Variants in CAMK1D observed in about 807,000 individuals in gnomAD.
CAMK1D encodes calcium/calmodulin dependent protein kinase ID.
A neutral mutation model predicts 47.7 loss-of-function variants in CAMK1D; 9 were observed. The observed-to-expected ratio is 0.19, with a 90% confidence interval of 0.11 to 0.33. CAMK1D has a LOEUF of 0.33. CAMK1D is among the 10% of genes least tolerant of loss of function. The pLI is 1.00. For missense variants in CAMK1D, 291 were observed against 488.7 expected, an observed-to-expected ratio of 0.60 and a Z score of 3.81; for synonymous variants, 184 against 184.9, an observed-to-expected ratio of 0.99 and a Z score of 0.04.
chr10:12,370,924 A>G (rs1837984166), intron 1 of CAMK1D, among the ~76,000 whole-genome samples: 1 of 152,144 alleles, frequency 6.6e-6, no homozygotes, highest in South Asian at 2.1e-4. Flanking sequence ...TTTAATTTTT[A>G]ACAAAATTAA....
intron 9 of CAMK1D, among the ~76,000 whole-genome samples, chr10:12,824,870 G>GA (rs1193546244): frequency 6.6e-6 from 1 of 152,108 alleles, no homozygotes; most frequent in Admixed American, 6.5e-5. Flanking sequence ...TATGGAGGGG[G>GA]AAAAAACAGG....
intron 3 of CAMK1D, among the ~76,000 whole-genome samples, chr10:12,697,149 G>C (rs1206506252): frequency 6.6e-6 from 1 of 152,176 alleles, no homozygotes; most frequent in East Asian, 1.9e-4. Flanking sequence ...AATTTAGAGG[G>C]AAATGTGGAG....
At chr10:12,750,693 G>GATGAATGA (rs908049587) in intron 3 of CAMK1D, among the ~76,000 whole-genome samples, 2 of 151,902 alleles carry the variant, frequency 1.3e-5, no homozygotes, top group African/African-American at 4.8e-5. Context: ...ATGAATGAAT[G>GATGAATGA]ATGAATGAAT....
chr10:12,613,984 C>T (rs983010559), intron 2 of CAMK1D, among the ~76,000 whole-genome samples: 4 of 152,146 alleles, frequency 2.6e-5, no homozygotes, highest in African/African-American at 9.7e-5. Context: ...TGGTCATCAC[C>T]CCCATCACAC....
At chr10:12,797,011 C>T (rs1240914980) in intron 6 of CAMK1D, among the ~76,000 whole-genome samples, 1 of 152,158 alleles carries the variant, frequency 6.6e-6, no homozygotes, top group Admixed American at 6.5e-5. Flanking sequence ...AGGAAATGCT[C>T]CGTGAGAAAC....
intron 3 of CAMK1D, among the ~76,000 whole-genome samples, chr10:12,680,879 T>C (rs1432800344): frequency 9.1e-6 from 1 of 109,418 alleles, no homozygotes; most frequent in Non-Finnish European, 2.1e-5. Context: ...AGTGAGACCA[T>C]GTCTCAAAAA....
intron 1 of CAMK1D, among the ~76,000 whole-genome samples, chr10:12,370,686 C>T (rs1837976962): frequency 6.6e-6 from 1 of 152,168 alleles, no homozygotes; most frequent in African/African-American, 2.4e-5. Flanking sequence ...TGGCTCACTG[C>T]AACCTTCGCC....
At chr10:12,674,559 G>A (rs951642536) in intron 3 of CAMK1D, among the ~76,000 whole-genome samples, 6 of 123,618 alleles carry the variant, frequency 4.9e-5, no homozygotes, top group Non-Finnish European at 8.6e-5. Context: ...TTGTTTCCAG[G>A]AGTCTATATT....
chr10:12,513,177 C>G (rs1041603153), intron 1 of CAMK1D, among the ~76,000 whole-genome samples: 2 of 152,178 alleles, frequency 1.3e-5, no homozygotes, highest in African/African-American at 4.8e-5. Flanking sequence ...TTTTCTGCCT[C>G]TTGACCAACA....
chr10:12,524,586 G>A (rs1035719289), intron 1 of CAMK1D, among the ~76,000 whole-genome samples: 11 of 151,886 alleles, frequency 7.2e-5, no homozygotes, highest in Admixed American at 6.6e-4. Context: ...GGGTACCTGT[G>A]GTCCCAGCTA....
At chr10:12,795,425 T>C (rs1041689183) in intron 6 of CAMK1D, among the ~76,000 whole-genome samples, 2 of 152,194 alleles carry the variant, frequency 1.3e-5, no homozygotes, top group African/African-American at 4.8e-5. Flanking sequence ...TAAAGACTTA[T>C]GCACAAGGCC....
chr10:12,636,928 A>G (rs1304827944), intron 2 of CAMK1D, among the ~76,000 whole-genome samples: 1 of 152,186 alleles, frequency 6.6e-6, no homozygotes, highest in East Asian at 1.9e-4. Context: ...ACCGAGCACC[A>G]AAAGAACAGG....
chr10:12,691,177 T>C (rs1346837600), intron 3 of CAMK1D, among the ~76,000 whole-genome samples: 1 of 151,714 alleles, frequency 6.6e-6, no homozygotes, highest in African/African-American at 2.4e-5. Context: ...AAGGGATGCT[T>C]GCAACTGAAG....
At chr10:12,723,595 A>G (rs549424238) in intron 3 of CAMK1D, among the ~76,000 whole-genome samples, 5 of 152,330 alleles carry the variant, frequency 3.3e-5, no homozygotes, top group African/African-American at 1.2e-4. Context: ...TAATCAGCCT[A>G]CTTATGAATG....
chr10:12,798,457 G>T (rs1038279782), intron 6 of CAMK1D, among the ~76,000 whole-genome samples: 1 of 152,190 alleles, frequency 6.6e-6, no homozygotes, highest in African/African-American at 2.4e-5. Flanking sequence ...GCCTGAAATG[G>T]GAGGGAGGTG....
intron 1 of CAMK1D, among the ~76,000 whole-genome samples, chr10:12,513,229 G>C (rs1835092797): frequency 6.6e-6 from 1 of 152,196 alleles, no homozygotes; most frequent in Non-Finnish European, 1.5e-5. Context: ...TGTCAGGATG[G>C]GGAGTGAGGA....
chr10:12,818,497 C>A (rs562320067), intron 8 of CAMK1D, among the ~76,000 whole-genome samples: 2 of 152,054 alleles, frequency 1.3e-5, no homozygotes, highest in African/African-American at 4.8e-5. Flanking sequence ...ATGGTGAAAC[C>A]CCGTGTCTAC....
intron 3 of CAMK1D, among the ~76,000 whole-genome samples, chr10:12,729,391 T>C (rs1834791451): frequency 6.6e-6 from 1 of 152,202 alleles, no homozygotes; most frequent in Non-Finnish European, 1.5e-5. Context: ...ATCGCAGCAC[T>C]TTGGGAGGCC....
chr10:12,585,775 A>G (rs1837799028), intron 2 of CAMK1D, among the ~76,000 whole-genome samples: 1 of 152,188 alleles, frequency 6.6e-6, no homozygotes, highest in South Asian at 2.1e-4. Context: ...ACAATGCAAG[A>G]TGAGATTTGG....
Sources: gnomAD v4.1 joint callset for allele counts (sites outside exome capture counted in the v4.1 genomes callset) on GRCh38, gnomAD v4.1.1 for gene constraint, MANE v1.5 for transcripts, NCBI Gene and HGNC (gene_info 2026-07-23, HGNC 2026-07-21) for gene names.